NTM: variants seen among roughly 807,000 people sequenced by gnomAD.
NTM encodes neurotrimin, also known as IgLON family member 2.
In NTM, 13 loss-of-function variants were observed where a neutral mutation model predicts 42.1. The observed-to-expected ratio is 0.31, with a 90% confidence interval of 0.20 to 0.49. The LOEUF (loss-of-function observed/expected upper bound fraction) is 0.49, where lower values mean the gene tolerates loss of function less well. Ranked by LOEUF, NTM falls within the 20% of genes least tolerant of loss-of-function variation. The probability of loss-of-function intolerance (pLI) is 0.99; values close to 1 mark genes in which losing one functional copy is unlikely to be tolerated. For missense variants in NTM, 373 were observed against 452.8 expected (o/e 0.82, Z 1.60); for synonymous variants, 187 against 179.2 (o/e 1.04, Z -0.35).
In NTM at chr11:131,505,104, G is replaced by A. The variant is rs1002269798; in HGVS notation, c.82+134216G>A. Among the ~76,000 whole-genome samples the A allele has an allele frequency of 4.9e-5, 6 of 122,144 alleles. No individual in the cohort carries two copies. In the South Asian group the frequency reaches 1.2e-3, roughly 25 times the overall value. 80.1% of individuals were successfully genotyped at this position (122,144 alleles called of 152,430 possible). On this transcript the variant is annotated intron_variant, in intron 1 of 8. Coordinates refer to ENST00000683400, the MANE Select transcript of NTM (RefSeq NM_001352005.2). The stretch of plus-strand genomic sequence containing the variant: ...TTCTACTTGACCATTGGGAAGTCAC[G>A]AATCTCTGAGTCATTCTCCTCATCT...
At chr11:131,553,967 G>A (rs1435089401) in intron 1 of NTM, among the ~76,000 whole-genome samples, 1 of 152,186 alleles carries the variant, frequency 6.6e-6, no homozygotes, top group South Asian at 2.1e-4. Context: ...TCCCTGGGCT[G>A]TCAATACCTT....
intron 1 of NTM, among the ~76,000 whole-genome samples, chr11:131,394,316 G>A (rs1254643388): frequency 6.6e-6 from 1 of 152,168 alleles, no homozygotes; most frequent in Non-Finnish European, 1.5e-5. Context: ...AGACCCAGAA[G>A]AGTCTGGTCA....
intron 1 of NTM, among the ~76,000 whole-genome samples, chr11:131,708,092 T>C (rs187964025): frequency 6.6e-6 from 1 of 152,088 alleles, no homozygotes; most frequent in Non-Finnish European, 1.5e-5. Flanking sequence ...AAAATCAACA[T>C]ACAAAAATTA....
intron 1 of NTM, among the ~76,000 whole-genome samples, chr11:131,529,212 C>A (rs375316709): frequency 1.7e-4 from 26 of 152,360 alleles, no homozygotes; most frequent in African/African-American, 6.0e-4. Context: ...AGTTTACCCA[C>A]CCATCTGCCC....
chr11:131,545,970 G>A (rs1592005670), intron 1 of NTM, among the ~76,000 whole-genome samples: 1 of 152,136 alleles, frequency 6.6e-6, no homozygotes, highest in African/African-American at 2.4e-5. Flanking sequence ...AGCTGTTTAT[G>A]GGTAGTCAGC....
At chr11:131,991,903 G>A (rs2067091497) in intron 2 of NTM, among the ~76,000 whole-genome samples, 1 of 152,116 alleles carries the variant, frequency 6.6e-6, no homozygotes, top group African/African-American at 2.4e-5. Context: ...TAGTGGACAG[G>A]TAAAGACAGA....
At chr11:131,379,013 G>A (rs918633446) in intron 1 of NTM, among the ~76,000 whole-genome samples, 21 of 152,184 alleles carry the variant, frequency 1.4e-4, no homozygotes, top group Admixed American at 6.5e-5. Flanking sequence ...TTTTCTGATG[G>A]AGTCAGCAGA....
chr11:131,763,945 AT>A (rs2084691359), intron 1 of NTM, among the ~76,000 whole-genome samples: 1 of 151,876 alleles, frequency 6.6e-6, no homozygotes. Flanking sequence ...AGCAATAATT[AT>A]GTAACTCTGC....
At chr11:132,068,869 A>G (rs1296557704) in intron 2 of NTM, among the ~76,000 whole-genome samples, 3 of 152,228 alleles carry the variant, frequency 2.0e-5, no homozygotes, top group Non-Finnish European at 4.4e-5. Flanking sequence ...TTCTGCCTGT[A>G]GGGCCTTTCA....
chr11:131,583,154 C>A (rs1223413875), intron 1 of NTM, among the ~76,000 whole-genome samples: 1 of 152,130 alleles, frequency 6.6e-6, no homozygotes, highest in African/African-American at 2.4e-5. Context: ...ACCAACAGAG[C>A]AGATTATGTT....
At chr11:131,372,589 C>A (rs1941371795) in intron 1 of NTM, among the ~76,000 whole-genome samples, 1 of 151,904 alleles carries the variant, frequency 6.6e-6, no homozygotes, top group South Asian at 2.1e-4. Flanking sequence ...ACTAAGCAGG[C>A]AAGGGGTAGG....
chr11:131,483,568 G>A (rs1383904066), intron 1 of NTM, among the ~76,000 whole-genome samples: 1 of 152,228 alleles, frequency 6.6e-6, no homozygotes, highest in Admixed American at 6.5e-5. Flanking sequence ...AGGAGAGGCG[G>A]GAATTCAATG....
At chr11:132,287,488 T>A (rs1452884489) in intron 4 of NTM, among the ~76,000 whole-genome samples, 1 of 152,158 alleles carries the variant, frequency 6.6e-6, no homozygotes, top group Non-Finnish European at 1.5e-5. Flanking sequence ...ATATGTGTCA[T>A]GCCACCTGAG....
In NTM at chr11:131,858,300, C is replaced by T. The variant is rs1394852735; in HGVS notation, c.83-53264C>T. Among the ~76,000 whole-genome samples the T allele has an allele frequency of 2.0e-5, 3 of 152,074 alleles. No individual in the cohort carries two copies. In the East Asian group the frequency reaches 5.8e-4, roughly 29 times the overall value. On this transcript the variant is annotated intron_variant, in intron 1 of 8. Transcript: ENST00000683400. ...AGCAAGTTGATTCTCTCCCTCTCTC[C>T]CTCTCTCTTTCCATTTCTCCTTACC...
chr11:131,768,263 C>T (rs562523789), intron 1 of NTM, among the ~76,000 whole-genome samples: 1 of 151,982 alleles, frequency 6.6e-6, no homozygotes, highest in South Asian at 2.1e-4. Context: ...GGATTATAGG[C>T]ATGCGCCACC....
chr11:132,136,279 C>T (rs1354082846), intron 2 of NTM, among the ~76,000 whole-genome samples: 3 of 152,210 alleles, frequency 2.0e-5, no homozygotes, highest in Non-Finnish European at 4.4e-5. Context: ...AGTCCACTCA[C>T]CTACTGTGCC....
chr11:132,238,579 G>C (rs951889790), intron 4 of NTM, among the ~76,000 whole-genome samples: 1 of 152,028 alleles, frequency 6.6e-6, no homozygotes, highest in East Asian at 1.9e-4. Context: ...GTTGTCTTTC[G>C]GTATGAGAGG....
chr11:131,795,035 C>G, intron 1 of NTM: 5 of 973,466 alleles, frequency 5.1e-6, no homozygotes, highest in Non-Finnish European at 6.1e-6. Context: ...GACCCTGTAG[C>G]CAAAGGGGGG....
intron 1 of NTM, among the ~76,000 whole-genome samples, chr11:131,672,580 G>A (rs1565404400): frequency 1.3e-5 from 2 of 152,148 alleles, no homozygotes; most frequent in Non-Finnish European, 2.9e-5. Context: ...AACCCACCTT[G>A]TCTTGTTCAT....
Sources: gnomAD v4.1 joint callset for allele counts (sites outside exome capture counted in the v4.1 genomes callset) on GRCh38, gnomAD v4.1.1 for gene constraint, MANE v1.5 for transcripts, NCBI Gene and HGNC (gene_info 2026-07-23, HGNC 2026-07-21) for gene names.